Variants in ZNF540 observed in about 807,000 individuals in gnomAD.
The protein encoded by ZNF540 is CTD-3064H18.6.
A neutral mutation model predicts 11.8 loss-of-function variants in ZNF540; 3 were observed. The ratio of observed to expected loss-of-function variants is 0.25; its 90% CI spans 0.12 to 0.65. The LOEUF (loss-of-function observed/expected upper bound fraction) is 0.65. Ranked by LOEUF, ZNF540 falls within the 30% of genes least tolerant of loss-of-function variation. The pLI is 0.83. For missense variants in ZNF540, 709 were observed against 793.1 expected (o/e 0.89, Z 1.27); for synonymous variants, 247 against 259.0 (o/e 0.95, Z 0.45).
chr19:37,571,368 C>T (rs1221769622), intron 1 of ZNF540, among the ~76,000 whole-genome samples: 1 of 151,928 alleles, frequency 6.6e-6, no homozygotes, highest in Non-Finnish European at 1.5e-5. Flanking sequence ...TGGTGGCAGG[C>T]ACCTGTAATC....
intron 1 of ZNF540, among the ~76,000 whole-genome samples, chr19:37,561,048 C>CAAAAAAAAAAAAAAAAAAA (rs199892724): frequency 1.4e-5 from 1 of 73,784 alleles, no homozygotes; most frequent in African/African-American, 4.6e-5. Context: ...CCTGTCTCTA[C>CAAAAAAAAAAAAAAAAAAA]AAAAAAAAAA....
chr19:37,561,597 C>G (rs553553257), intron 1 of ZNF540, among the ~76,000 whole-genome samples: 19 of 152,296 alleles, frequency 1.2e-4, no homozygotes, highest in African/African-American at 3.6e-4. Flanking sequence ...GAGTGGAATT[C>G]ACAATGCCAG....
Position 37,599,868 on chromosome 19 carries a change from A to G in ZNF540, c.136+116A>G. 8 of 1,172,448 alleles carry G rather than the reference A, an allele frequency of 6.8e-6. No individual in the cohort carries two copies. The Admixed American group carries it at 2.0e-4, about 30-fold the overall frequency. The allele number at this position is 1,172,448 out of a possible 1,614,324, so 72.6% of individuals were successfully genotyped here. A position where few individuals can be genotyped will look rare whatever the true frequency, so the allele number is the denominator to read the frequency against. The stretch of plus-strand genomic sequence containing the variant: ...AGCTGAATTTCTTCTCTCTTCCTCA[A>G]GGAATGGACTGAACTTTGATGGTTT... On this transcript the variant is annotated intron_variant, in intron 3 of 4. Coordinates refer to ENST00000316433, the MANE Select transcript of ZNF540 (RefSeq NM_001172225.3).
chr19:37,569,531 C>T lies in ZNF540; in HGVS notation c.-73+17866C>T, dbSNP rs1046412577. 2.0e-5 allele frequency among the ~76,000 whole-genome samples: 3 copies of T among 152,094 alleles called. No individual in the cohort carries two copies. Among genetic ancestry groups the T allele is most frequent in the African/African-American group, 7.2e-5 (3 of 41,406 alleles). ...TAAAACAAGGATGTCATAAAATTATCTTTGCTATATGTATTATATATTCAT... is the reference window on the plus strand; with the variant it reads ...TAAAACAAGGATGTCATAAAATTATTTTTGCTATATGTATTATATATTCAT... On this transcript the variant is annotated intron_variant, in intron 1 of 4. Transcript: ENST00000592533. This position sits in a 1 kb window ranked among gnomAD's most constrained non-coding sequence, Gnocchi z 4.4.
intron 1 of ZNF540, among the ~76,000 whole-genome samples, chr19:37,584,700 C>T (rs538567712): frequency 2.0e-5 from 3 of 152,160 alleles, no homozygotes; most frequent in South Asian, 4.2e-4. Flanking sequence ...CGGTGGCTCA[C>T]GCTTGTAATC....
chr19:37,556,295 A>G, intron 1 of ZNF540: 1 of 599,318 alleles, frequency 1.7e-6, no homozygotes, highest in Admixed American at 2.9e-5. Context: ...CAAAGGACAT[A>G]ACAGGCAAAA....
In ZNF540 at chr19:37,612,088, C is replaced by A. The variant is rs200117871; in HGVS notation, c.808C>A (p.Pro270Thr). 4.1e-5 allele frequency: 66 copies of A among 1,611,894 alleles called. No homozygotes were observed. In the East Asian group the frequency reaches 1.2e-3, roughly 31 times the overall value. ...TCAGAAAATTCACACTGGTAAAAAA[C>A]CCTATATGTGTAAGAAATGTGATAA... ...RHQKIHTGKK[P>T]YMCKKCDKGF... The change falls in exon 5 of 5, where the codon CCC (proline) becomes ACC (threonine). Residue 270 changes from proline to threonine, a missense_variant. Pro to Thr is a conservative substitution (Grantham distance 38). Coordinates refer to ENST00000316433, the MANE Select transcript of ZNF540 (RefSeq NM_001172225.3).
chr19:37,586,623 C>CA, intron 1 of ZNF540: 3 of 1,612,416 alleles, frequency 1.9e-6, no homozygotes, highest in Non-Finnish European at 2.5e-6. Flanking sequence ...TCACATTACA[C>CA]AACAAAATGA....
rs535770805 is a variant in ZNF540 at position 37,594,960 on chromosome 19, C to G, written c.-208C>G. 1 of 152,236 alleles carries G rather than the reference C, an allele frequency of 6.6e-6. No individual in the cohort carries two copies. 9.4% of individuals were successfully genotyped at this position (152,236 alleles called of 1,614,324 possible). On this transcript the variant is annotated 5_prime_UTR_variant, in exon 1 of 5. Coordinates refer to ENST00000316433, the MANE Select transcript of ZNF540 (RefSeq NM_001172225.3). The stretch of plus-strand genomic sequence containing the variant: ...CTGTGGGACTTACCCTACTATGGTC[C>G]GAGCCTACCCTATTTCATTATACTC...
At chr19:37,566,191 A>G (rs776017932) in intron 1 of ZNF540, 4 of 1,614,004 alleles carry the variant, frequency 2.5e-6, no homozygotes, top group Non-Finnish European at 3.4e-6. Context: ...ATTGAAGGTG[A>G]TGGTTGATAC....
upstream of ZNF540, among the ~76,000 whole-genome samples, chr19:37,593,475 G>A (rs1052511149): frequency 2.6e-5 from 4 of 152,118 alleles, no homozygotes; most frequent in Non-Finnish European, 4.4e-5. Context: ...AGGCCCAGGC[G>A]GGTGGATCAC....
chr19:37,605,465 T>C (rs2044077828), intron 4 of ZNF540, among the ~76,000 whole-genome samples: 2 of 152,052 alleles, frequency 1.3e-5, no homozygotes, highest in Non-Finnish European at 2.9e-5. Flanking sequence ...CTGACCAACA[T>C]GGTGAAACCC....
chr19:37,572,437 C>T (rs1417733243), intron 1 of ZNF540, among the ~76,000 whole-genome samples: 1 of 152,184 alleles, frequency 6.6e-6, no homozygotes, highest in Admixed American at 6.5e-5. Flanking sequence ...TGAATCATCC[C>T]TCTGACCAGC....
At position 37,613,924 on chromosome 19, in the gene ZNF540, A is replaced by C. The variant is rs933679285; in HGVS notation, c.*661A>C. On this transcript the variant is annotated 3_prime_UTR_variant, in exon 5 of 5. Coordinates refer to ENST00000316433, the MANE Select transcript of ZNF540 (RefSeq NM_001172225.3). The stretch of plus-strand genomic sequence containing the variant: ...CTTCATGAGTGGAATTACTGCCTTT[A>C]TAAGAAGAAGCCAAAGAGCCAGCTA... 2.5e-6 allele frequency: 1 copy of C among 398,398 alleles called. No individual in the cohort carries two copies. Among genetic ancestry groups the C allele is most frequent in the African/African-American group, 2.1e-5 (1 of 48,622 alleles). The allele number at this position is 398,398 out of a possible 1,614,324, so 24.7% of individuals were successfully genotyped here.
At chr19:37,585,574 A>C (rs1249950058) in intron 1 of ZNF540, 1 of 152,174 alleles carries the variant, frequency 6.6e-6, no homozygotes, top group Admixed American at 6.5e-5. Context: ...TTTCCCTTAA[A>C]AACCCCTGAT....
intron 1 of ZNF540, among the ~76,000 whole-genome samples, chr19:37,582,751 A>G (rs1047296418): frequency 9.9e-5 from 15 of 152,090 alleles, no homozygotes; most frequent in South Asian, 2.1e-4. Context: ...TATTAATTCT[A>G]CCTTCAAAAT....
chr19:37,604,511 G>A lies in ZNF540; in HGVS notation c.232+3406G>A, dbSNP rs557604838. 5.3e-5 allele frequency among the ~76,000 whole-genome samples: 8 copies of A among 151,776 alleles called. 1 individual carries two copies. In the South Asian group the frequency reaches 1.0e-3, roughly 20 times the overall value. Reference sequence around the variant, plus strand: ...TTTAGCAGAGATGGGGTTTCACCGTGTTAGCCAGGATGGTCTCGATCTCCT... The same window carrying A: ...TTTAGCAGAGATGGGGTTTCACCGTATTAGCCAGGATGGTCTCGATCTCCT... On this transcript the variant is annotated intron_variant, in intron 4 of 4. Transcript: ENST00000316433.
intron 1 of ZNF540, among the ~76,000 whole-genome samples, chr19:37,578,506 A>G (rs1009076641): frequency 2.6e-5 from 4 of 152,180 alleles, no homozygotes; most frequent in Non-Finnish European, 5.9e-5. Context: ...GCTCAAGCCC[A>G]TGTGGAGCAC....
In ZNF540 at chr19:37,612,300, A is replaced by T; in HGVS notation, c.1020A>T (p.Gly340=). The T allele has an allele frequency of 6.2e-7, 1 of 1,613,972 alleles. No homozygotes were observed. Among genetic ancestry groups the T allele is most frequent in the Non-Finnish European group, 8.5e-7 (1 of 1,179,974 alleles). The part of the protein sequence containing the change: ...KECGKAFSVC[G]QLTRHQKIHT... ...GTGGGAAAGCTTTTAGTGTATGCGG[A>T]CAACTTACCCGTCATCAGAAAATTC... Residue 340 remains glycine, a synonymous_variant, in exon 5 of 5, where the codon GGA becomes GGT. Coordinates refer to ENST00000316433, the MANE Select transcript of ZNF540 (RefSeq NM_001172225.3).
Sources: gnomAD v4.1 joint callset for allele counts (sites outside exome capture counted in the v4.1 genomes callset) on GRCh38, gnomAD v4.1.1 for gene constraint, Gnocchi (gnomAD v3.1) non-coding constraint, MANE v1.5 for transcripts, NCBI Gene and HGNC (gene_info 2026-07-23, HGNC 2026-07-21) for gene names.